Variants in SECISBP2 observed in about 807,000 individuals in gnomAD.
SECISBP2 encodes the protein selenocysteine insertion sequence-binding protein 2.
Under a neutral mutation model 98.2 loss-of-function variants are expected in SECISBP2, and 96 were observed. The observed-to-expected ratio is 0.98, with a 90% CI of 0.83 to 1.16. SECISBP2 has a LOEUF of 1.16. SECISBP2 is among the 50% of genes most tolerant of loss of function. The pLI is 0.00. For synonymous variants in SECISBP2, 407 were observed against 370.2 expected (o/e 1.10, Z -1.14); for missense variants, 1,046 against 1,022.9 (o/e 1.02, Z -0.31).
chr9:89,352,412 G>A (rs1831422717), intron 14 of SECISBP2, among the ~76,000 whole-genome samples: 1 of 152,202 alleles, frequency 6.6e-6, no homozygotes, highest in Admixed American at 6.5e-5. Flanking sequence ...ATCCTCCAGT[G>A]GTTTAGGAGA....
rs749360534 is a variant in SECISBP2 at position 89,350,725 on chromosome 9, A to G, written c.1986A>G (p.Lys662=). The part of the protein sequence containing the change: ...LVRFQDRMYQ[K]DPVKAKTKRR... ...GTTTCCAAGACCGTATGTACCAGAA[A>G]GATCCAGTCAAGGCCAAGACTAAAC... Residue 662 remains lysine (K), a synonymous_variant, in exon 14 of 17, where the codon AAA becomes AAG. Coordinates refer to ENST00000375807, the MANE Select transcript of SECISBP2 (RefSeq NM_024077.5). The G allele has an allele frequency of 1.1e-5, 17 of 1,614,090 alleles. No individual in the cohort carries two copies. The South Asian group carries it at 1.6e-4, about 16-fold the overall frequency.
At chr9:89,323,841 C>G (rs1271443824) in intron 2 of SECISBP2, 1 of 152,192 alleles carries the variant, frequency 6.6e-6, no homozygotes, top group Admixed American at 6.5e-5. Context: ...TACCAACTTT[C>G]CAGAGGAGGA....
chr9:89,325,906 TATG>T lies in SECISBP2; in HGVS notation c.447_449del (p.Asp149del). ...TTAATCTTTCCTGCAGAAGAAAACCTATGATGAGAAAAAAACGTATGATCAGCA... is the reference window on the plus strand; with the variant it reads ...TTAATCTTTCCTGCAGAAGAAAACCTATGAGAAAAAAACGTATGATCAGCA... On this transcript the variant is annotated inframe_deletion, in exon 4 of 17. Coordinates refer to ENST00000375807, the MANE Select transcript of SECISBP2 (RefSeq NM_024077.5). The T allele has an allele frequency of 6.2e-7, 1 of 1,614,018 alleles. No individual in the cohort carries two copies.
chr9:89,354,226 G>A (rs1329129598), intron 14 of SECISBP2, among the ~76,000 whole-genome samples: 1 of 152,164 alleles, frequency 6.6e-6, no homozygotes. Context: ...GCTTGTATTG[G>A]GTGTTCCCAA....
At chr9:89,354,460 C>T (rs745382242) in intron 14 of SECISBP2, among the ~76,000 whole-genome samples, 2 of 152,150 alleles carry the variant, frequency 1.3e-5, no homozygotes, top group African/African-American at 2.4e-5. Flanking sequence ...AGTTAAGAGC[C>T]CGTGGGAAGT....
In SECISBP2 at chr9:89,334,209, G is replaced by T. The variant is rs186621069; in HGVS notation, c.881-313G>T. 622 of 1,199,128 alleles carry T rather than the reference G, an allele frequency of 5.2e-4. 1 individual carries two copies. Among genetic ancestry groups the T allele is most frequent in the Non-Finnish European group, 5.8e-4 (549 of 951,396 alleles). 74.3% of individuals were successfully genotyped at this position (1,199,128 alleles called of 1,614,324 possible). A position where few individuals can be genotyped will look rare whatever the true frequency, so the allele number is the denominator to read the frequency against. Reference sequence around the variant, plus strand: ...TTCGTTAATTCTGTGTGCTTGCCACGTGGACATTTATTGTGGATTGTTGTT... The same window carrying T: ...TTCGTTAATTCTGTGTGCTTGCCACTTGGACATTTATTGTGGATTGTTGTT... On this transcript the variant is annotated intron_variant, in intron 6 of 16. Transcript: ENST00000375807.
At chr9:89,350,960 T>C in intron 14 of SECISBP2, 108 bp downstream of exon 14, 1 of 904,774 alleles carries the variant, frequency 1.1e-6, no homozygotes, top group Non-Finnish European at 1.8e-6. Flanking sequence ...TCTTGACAAC[T>C]CGTTTTCTTT....
At chr9:89,366,105 C>T in the SECISBP2 span, among the ~76,000 whole-genome samples, 1 of 152,106 alleles carries the variant, frequency 6.6e-6, no homozygotes, top group African/African-American at 2.4e-5. Flanking sequence ...AAGAAGGGGG[C>T]CACAAGTCAC....
chr9:89,331,190 C>T (rs1218873700), intron 5 of SECISBP2, among the ~76,000 whole-genome samples: 4 of 152,114 alleles, frequency 2.6e-5, no homozygotes, highest in African/African-American at 4.8e-5. Context: ...ATTATAAATA[C>T]GTACAGTCTT....
At chr9:89,342,776 G>C (rs1042820292) in intron 10 of SECISBP2, among the ~76,000 whole-genome samples, 5 of 152,274 alleles carry the variant, frequency 3.3e-5, no homozygotes, top group Admixed American at 2.6e-4. Context: ...AAGGAATAGT[G>C]AGTTATTATT....
chr9:89,327,426 C>T (rs914676079), intron 4 of SECISBP2, among the ~76,000 whole-genome samples: 45 of 152,148 alleles, frequency 3.0e-4, no homozygotes, highest in African/African-American at 1.1e-3. Flanking sequence ...ATTTTTCTAA[C>T]TTTCTGACTC....
intron 5 of SECISBP2, among the ~76,000 whole-genome samples, chr9:89,331,576 AC>A (rs533014848): frequency 7.7e-4 from 117 of 151,868 alleles, no homozygotes; most frequent in African/African-American, 2.7e-3. Context: ...AATATACTCG[AC>A]CCCCCCATAC....
Position 89,339,854 on chromosome 9 carries a change from GT to G in SECISBP2, c.1213-7del. 6.2e-7 allele frequency: 1 copy of G among 1,606,438 alleles called. No homozygotes were observed. The highest frequency in any genetic ancestry group is 8.5e-7 in the Non-Finnish European group (1 of 1,173,390). Reference sequence around the variant, plus strand: ...AACAAAAGAGCTAAAGGGGTGTGTGGTTTACTTAGGATGCCGAGGAATTTCC... The same window carrying G: ...AACAAAAGAGCTAAAGGGGTGTGTGGTTACTTAGGATGCCGAGGAATTTCC... On this transcript the variant is annotated splice_polypyrimidine_tract_variant and intron_variant, in intron 8 of 16. Transcript: ENST00000375807.
intron 2 of SECISBP2, chr9:89,324,517 G>A (rs1183719213): frequency 3.3e-5 from 5 of 152,230 alleles, no homozygotes; most frequent in African/African-American, 4.8e-5. Flanking sequence ...CTTATTCAGT[G>A]TAGTCTGTTA....
At chr9:89,341,227 TTAAAAATTCTTTTTTATAGTCTCAATC>T in intron 9 of SECISBP2, 93 bp from the exon 10 acceptor site, 1 of 1,002,158 alleles carries the variant, frequency 1.0e-6, no homozygotes. Flanking sequence ...ACTTGAATTT[TTAAAAATTCTTTTTTATAGTCTCAATC>T]TTTTTCATTT....
chr9:89,329,031 C>A, intron 5 of SECISBP2, 145 bp downstream of exon 5: 1 of 664,272 alleles, frequency 1.5e-6, no homozygotes, highest in Non-Finnish European at 2.6e-6. Context: ...TCATTGTGCA[C>A]TTATATGACC....
Position 89,329,039 on chromosome 9 carries a change from AC to A in SECISBP2, c.801+155del, listed in dbSNP as rs1827268418. On this transcript the variant is annotated intron_variant, in intron 5 of 16. Transcript: ENST00000375807. ...AAGCCTTTCATTGTGCACTTATATGACCTTCTTTGTTTGAACAGTTTATAAT... is the reference window on the plus strand; with the variant it reads ...AAGCCTTTCATTGTGCACTTATATGACTTCTTTGTTTGAACAGTTTATAAT... 7.7e-6 allele frequency: 5 copies of A among 650,836 alleles called. No homozygotes were observed. The South Asian group carries it at 9.2e-5, about 12-fold the overall frequency. 40.3% of individuals were successfully genotyped at this position (650,836 alleles called of 1,614,324 possible).
chr9:89,349,633 T>C, intron 12 of SECISBP2, 143 bp from the exon 13 acceptor site: 1 of 911,600 alleles, frequency 1.1e-6, no homozygotes, highest in Non-Finnish European at 1.8e-6. Flanking sequence ...TTCTGCCTTC[T>C]GTAAACCTCT....
At chr9:89,359,857 G>GCTCAATC (rs1359873229), downstream of SECISBP2, among the ~76,000 whole-genome samples, 1 of 152,126 alleles carries the variant, frequency 6.6e-6, no homozygotes, top group Non-Finnish European at 1.5e-5. Context: ...CCAGATCCTG[G>GCTCAATC]CTCAATCCCA....
Sources: allele counts gnomAD v4.1 joint callset (sites outside exome capture counted in the v4.1 genomes callset), GRCh38; gene constraint gnomAD v4.1.1; transcripts MANE v1.5; gene names NCBI Gene and HGNC (gene_info 2026-07-23, HGNC 2026-07-21).